Variants in CDC42BPA observed in about 807,000 individuals in gnomAD.
The protein encoded by CDC42BPA is serine/threonine-protein kinase MRCK alpha.
A neutral mutation model predicts 223.5 loss-of-function variants in CDC42BPA; 80 were observed. The ratio of observed to expected loss-of-function variants is 0.36; its 90% CI spans 0.30 to 0.43. The LOEUF is 0.43. Among genes scored for constraint, CDC42BPA ranks in the 20% least tolerant of loss-of-function variants. The pLI, the probability that CDC42BPA is intolerant of heterozygous loss-of-function variation, is 1.00. For missense variants in CDC42BPA, 1,743 were observed against 2,099.9 expected, an observed-to-expected ratio of 0.83 and a Z score of 3.32; for synonymous variants, 694 against 718.6, an observed-to-expected ratio of 0.97 and a Z score of 0.55.
chr1:227,027,092 T>C (rs1024808708), intron 30 of CDC42BPA, among the ~76,000 whole-genome samples: 2 of 152,136 alleles, frequency 1.3e-5, no homozygotes, highest in Admixed American at 1.3e-4. Flanking sequence ...TGTGCCCACC[T>C]AAGACCATAT....
chr1:227,118,902 G>T (rs978115370), intron 12 of CDC42BPA, among the ~76,000 whole-genome samples: 1 of 151,986 alleles, frequency 6.6e-6, no homozygotes, highest in Non-Finnish European at 1.5e-5. Flanking sequence ...AAAATGTACT[G>T]GTCTATTTCA....
At chr1:227,053,997 T>C (rs1464827934) in intron 21 of CDC42BPA, among the ~76,000 whole-genome samples, 1 of 152,178 alleles carries the variant, frequency 6.6e-6, no homozygotes, top group Admixed American at 6.6e-5. Flanking sequence ...GCAGAATTGA[T>C]ACATTTTATA....
At position 227,073,849 on chromosome 1, in the gene CDC42BPA, A is replaced by G. The variant is rs756261744; in HGVS notation, c.2735+15T>C. ...TTAGAAATTATTCTAGTGGGACTAT[A>G]TGATTCAATCTTACCATTCTGTTAT... On this transcript the variant is annotated intron_variant, in intron 19 of 36. Coordinates refer to ENST00000366766, the MANE Select transcript of CDC42BPA (RefSeq NM_001394014.1). The G allele has an allele frequency of 1.2e-5, 18 of 1,534,458 alleles. No homozygotes were observed. Among genetic ancestry groups the G allele is most frequent in the Non-Finnish European group, 1.5e-5 (17 of 1,136,498 alleles).
At chr1:227,136,607 T>C (rs2102634) in intron 10 of CDC42BPA, among the ~76,000 whole-genome samples, 55,979 of 152,100 alleles carry the variant, frequency 0.37, 10,456 homozygotes, top group Middle Eastern at 0.39. Context: ...GTCCAACTAT[T>C]TGAAATTGAA....
Position 227,016,095 on chromosome 1 carries a change from C to T in CDC42BPA, c.4842G>A (p.Leu1614=). Residue 1614 remains leucine, a synonymous_variant, in exon 34 of 37, where the codon CTG becomes CTA. Transcript: ENST00000366766. The stretch of plus-strand genomic sequence containing the variant: ...TTCCTCTTACCATGGGCAGATCTTT[C>T]AGGATCTGTATTCCATCTCCAGGAC... ...HMGPGDGIQI[L]KDLPMNPRPQ... is the part of the protein sequence containing the mutation. The T allele has an allele frequency of 6.3e-7, 1 of 1,576,576 alleles. No homozygotes were observed. Among genetic ancestry groups the T allele is most frequent in the Non-Finnish European group, 8.7e-7 (1 of 1,146,250 alleles).
At chr1:226,996,289 GTCC>G (rs1039168558) in intron 35 of CDC42BPA, among the ~76,000 whole-genome samples, 1 of 152,208 alleles carries the variant, frequency 6.6e-6, no homozygotes, top group Admixed American at 6.5e-5. Flanking sequence ...AACTTTAAAA[GTCC>G]TCCTGTCATT....
At position 227,257,863 on chromosome 1, in the gene CDC42BPA, T is replaced by TACAG. The variant is rs529716737; in HGVS notation, c.179-3712_179-3709dup. Among the ~76,000 whole-genome samples, 50 of 150,890 alleles carry TACAG rather than the reference T, an allele frequency of 3.3e-4. No individual in the cohort carries two copies. The South Asian group carries it at 9.6e-3, about 29-fold the overall frequency. On this transcript the variant is annotated intron_variant, in intron 1 of 36. Transcript: ENST00000366766. ...CAAGTTTGACAAGGTGGGAGATACA[T>TACAG]ACAGACCTACTAGAACTAAAAATGG...
chr1:227,182,019 G>A (rs561740868), intron 5 of CDC42BPA, among the ~76,000 whole-genome samples: 4 of 152,082 alleles, frequency 2.6e-5, no homozygotes, highest in African/African-American at 7.2e-5. Flanking sequence ...AAATATAAGG[G>A]GAAAATGATT....
intron 8 of CDC42BPA, 54 bp from the exon 9 acceptor site, chr1:227,143,078 C>A: frequency 1.7e-6 from 2 of 1,146,726 alleles, no homozygotes; most frequent in Non-Finnish European, 2.4e-6. Context: ...GATCTGTAGG[C>A]TTGGCTATAA....
At chr1:227,069,509 A>C (rs1677829870) in intron 21 of CDC42BPA, 1 of 254,152 alleles carries the variant, frequency 3.9e-6, no homozygotes, top group South Asian at 1.5e-4. Flanking sequence ...TCTGCTCTTA[A>C]TGTTTCTTAA....
At chr1:227,059,189 C>CA (rs59693176) in intron 21 of CDC42BPA, among the ~76,000 whole-genome samples, 30,668 of 144,184 alleles carry the variant, frequency 0.21, 3,176 homozygotes, top group Admixed American at 0.26. Context: ...CGGCCAAAGC[C>CA]AAAAAAAAAA....
chr1:227,213,574 G>A (rs531755071), intron 2 of CDC42BPA, among the ~76,000 whole-genome samples: 1 of 152,178 alleles, frequency 6.6e-6, no homozygotes, highest in African/African-American at 2.4e-5. Context: ...TGAACAAAAT[G>A]CTCAACAGGA....
At position 227,193,779 on chromosome 1, in the gene CDC42BPA, G is replaced by C. The variant is rs114392865; in HGVS notation, c.599+7C>G. 1,287 of 1,600,970 alleles carry C rather than the reference G, an allele frequency of 8.0e-4. 9 individuals carry two copies. In the African/African-American group the frequency reaches 0.015, roughly 19 times the overall value. On this transcript the variant is annotated splice_region_variant and intron_variant, in intron 5 of 36. Coordinates refer to ENST00000366766, the MANE Select transcript of CDC42BPA (RefSeq NM_001394014.1). ...TCACAGCCAGGTACAATGAAGGACT[G>C]TTTTACCTGTGTACATAATGTAGCT...
At chr1:227,099,158 T>C (rs1467575928) in intron 15 of CDC42BPA, among the ~76,000 whole-genome samples, 1 of 152,124 alleles carries the variant, frequency 6.6e-6, no homozygotes, top group Non-Finnish European at 1.5e-5. Context: ...CAGTACCTAA[T>C]ACTTAATAAT....
intron 14 of CDC42BPA, among the ~76,000 whole-genome samples, chr1:227,104,909 A>G (rs1685647236): frequency 6.6e-6 from 1 of 152,066 alleles, no homozygotes. Context: ...GTTTTAAGCC[A>G]CCCAGTGTGT....
chr1:227,132,944 T>A (rs4528079), intron 10 of CDC42BPA, among the ~76,000 whole-genome samples: 13,457 of 149,750 alleles, frequency 0.09, 726 homozygotes, highest in East Asian at 0.16. Flanking sequence ...GCAGCCGCCC[T>A]GTCTGAGAAG....
At chr1:227,166,423 C>T (rs1665045095) in intron 5 of CDC42BPA, among the ~76,000 whole-genome samples, 1 of 152,110 alleles carries the variant, frequency 6.6e-6, no homozygotes, top group Admixed American at 6.5e-5. Flanking sequence ...GAGAAAATGG[C>T]TTTTCCATCT....
chr1:227,201,450 C>T (rs1210422276), intron 3 of CDC42BPA, among the ~76,000 whole-genome samples: 4 of 152,066 alleles, frequency 2.6e-5, no homozygotes, highest in Admixed American at 2.6e-4. Context: ...GCCTAAAAAT[C>T]AATTTTATGT....
intron 10 of CDC42BPA, among the ~76,000 whole-genome samples, chr1:227,134,401 C>T (rs920249588): frequency 7.2e-5 from 11 of 152,148 alleles, no homozygotes; most frequent in Admixed American, 1.3e-4. Context: ...AAATATCTGG[C>T]GATCCTAAAC....
Sources: allele counts gnomAD v4.1 joint callset (sites outside exome capture counted in the v4.1 genomes callset), GRCh38; gene constraint gnomAD v4.1.1; transcripts MANE v1.5; gene names NCBI Gene and HGNC (gene_info 2026-07-23, HGNC 2026-07-21).